NR2E1: variants seen among roughly 807,000 people sequenced by gnomAD.
The protein encoded by NR2E1 is nuclear receptor subfamily 2 group E member 1.
A neutral mutation model predicts 43.6 loss-of-function variants in NR2E1; 5 were observed. The observed-to-expected ratio is 0.11, with a 90% CI of 0.06 to 0.24. NR2E1 has a LOEUF of 0.24. Ranked by LOEUF, NR2E1 falls within the 10% of genes least tolerant of loss-of-function variation. The pLI, the probability that NR2E1 is intolerant of heterozygous loss-of-function variation, is 1.00. For missense variants in NR2E1, 287 were observed against 496.7 expected, an observed-to-expected ratio of 0.58 and a Z score of 4.01; for synonymous variants, 191 against 195.5, an observed-to-expected ratio of 0.98 and a Z score of 0.19.
intron 7 of NR2E1, 101 bp downstream of exon 7, chr6:108,181,057 A>T (rs1000726147): frequency 2.1e-5 from 27 of 1,280,044 alleles, no homozygotes; most frequent in African/African-American, 1.2e-4. Flanking sequence ...AAAAGAGGTG[A>T]TGGTTTTCAA....
chr6:108,180,943 C>T lies in NR2E1; in HGVS notation c.876C>T (p.Val292=). The change falls in exon 7 of 9, where the codon GTC becomes GTT. Residue 292 remains valine (V), a synonymous_variant. Transcript: ENST00000368986. The surrounding 1 kb of genome is among the most constrained non-coding windows in gnomAD (Gnocchi z 5.4). ...ATEFACLKCI[V]TFKAVPTHSG... is the part of the protein sequence containing the mutation. ...AATTTGCCTGTCTAAAATGCATCGT[C>T]ACTTTCAAAGCCGGTAAGCAGACAC... The T allele has an allele frequency of 1.2e-6, 2 of 1,614,168 alleles. No individual in the cohort carries two copies. The highest frequency in any genetic ancestry group is 1.7e-6 in the Non-Finnish European group (2 of 1,180,034).
At chr6:108,174,712 C>T in intron 2 of NR2E1, 124 bp from the exon 3 acceptor site, 2 of 758,344 alleles carry the variant, frequency 2.6e-6, no homozygotes, top group Admixed American at 2.1e-5. Flanking sequence ...GGCCCAGGCT[C>T]GGGGCTCCAG....
At chr6:108,182,670 T>A (rs1729487110) in intron 8 of NR2E1, among the ~76,000 whole-genome samples, 1 of 151,444 alleles carries the variant, frequency 6.6e-6, no homozygotes, top group South Asian at 2.1e-4. Context: ...GTGATTCTCC[T>A]GCCTCAGCCT....
rs149618228 is a variant in NR2E1 at position 108,168,010 on chromosome 6, C to T, written c.25+1220C>T. The T allele has an allele frequency of 2.8e-4, 443 of 1,579,280 alleles. 1 individual carries two copies. The African/African-American group carries it at 5.0e-3, about 18-fold the overall frequency. On this transcript the variant is annotated intron_variant, in intron 1 of 8. Coordinates refer to ENST00000368986, the MANE Select transcript of NR2E1 (RefSeq NM_003269.5). Reference sequence around the variant, plus strand: ...AAAATTAGAGCAAAATGAACGTGAACAAAAAGAAAAGGAGAAATGTTTCGA... The same window carrying T: ...AAAATTAGAGCAAAATGAACGTGAATAAAAAGAAAAGGAGAAATGTTTCGA...
At position 108,187,919 on chromosome 6, in the gene NR2E1, A is replaced by T. The variant is rs1774101181; in HGVS notation, c.*456A>T. On this transcript the variant is annotated 3_prime_UTR_variant, in exon 9 of 9. Transcript: ENST00000368986. ...TTATGTTGGAGCATTTATTTTAAAAATAATGGTAGGTTTTAAATTAAAAGT... is the reference window on the plus strand; with the variant it reads ...TTATGTTGGAGCATTTATTTTAAAATTAATGGTAGGTTTTAAATTAAAAGT... 5.4e-6 allele frequency: 1 copy of T among 186,546 alleles called. No individual in the cohort carries two copies. Among genetic ancestry groups the T allele is most frequent in the African/African-American group, 2.3e-5 (1 of 43,016 alleles). The allele number at this position is 186,546 out of a possible 1,614,324, so 11.6% of individuals were successfully genotyped here.
At position 108,169,688 on chromosome 6, in the gene NR2E1, G is replaced by C. The variant is rs958465565; in HGVS notation, c.26-1770G>C. Among the ~76,000 whole-genome samples the C allele has an allele frequency of 2.0e-5, 3 of 152,048 alleles. No homozygotes were observed. Among genetic ancestry groups the C allele is most frequent in the Non-Finnish European group, 4.4e-5 (3 of 68,004 alleles). On this transcript the variant is annotated intron_variant, in intron 1 of 8. Transcript: ENST00000368986. The surrounding 1 kb of genome is among the most constrained non-coding windows in gnomAD (Gnocchi z 6.1). ...GGAACTCCCTTGGGCGCAGTGACAG[G>C]CCCGAAGGAGTGGAGGACAAGACCC...
intron 4 of NR2E1, among the ~76,000 whole-genome samples, chr6:108,176,979 T>A (rs1424740064): frequency 6.6e-6 from 1 of 152,052 alleles, no homozygotes; most frequent in South Asian, 2.1e-4. Flanking sequence ...CCGGATCTTA[T>A]CCCCCCAGAA....
At chr6:108,170,174 C>T (rs1469518745) in intron 1 of NR2E1, among the ~76,000 whole-genome samples, 1 of 152,168 alleles carries the variant, frequency 6.6e-6, no homozygotes, top group Admixed American at 6.5e-5. Flanking sequence ...CCATCGTAGT[C>T]CCCAACCCAA....
chr6:108,170,560 G>T (rs1239807758), intron 1 of NR2E1, among the ~76,000 whole-genome samples: 6 of 151,538 alleles, frequency 4.0e-5, no homozygotes, highest in Non-Finnish European at 8.8e-5. Flanking sequence ...GGTCCATGGG[G>T]GGTGGGGGGA....
intron 3 of NR2E1, 107 bp from the exon 4 acceptor site, chr6:108,176,396 T>G: frequency 9.2e-7 from 1 of 1,091,526 alleles, no homozygotes. Flanking sequence ...CTTGGGCGAT[T>G]TTGCCCGCCC....
Position 108,172,431 on chromosome 6 carries a change from G to A in NR2E1, c.171+828G>A, listed in dbSNP as rs181814367. Among the ~76,000 whole-genome samples the A allele has an allele frequency of 5.9e-5, 9 of 152,338 alleles. No individual in the cohort carries two copies. In the East Asian group the frequency reaches 1.5e-3, roughly 26 times the overall value. On this transcript the variant is annotated intron_variant, in intron 2 of 8. Transcript: ENST00000368986. ...GAGGAATCTGGCATGGGCTGAATAT[G>A]AGCCAAAGCTTCTAGAAAGAGTGAG... is the stretch of plus-strand genomic sequence containing the variant.
intron 1 of NR2E1, among the ~76,000 whole-genome samples, chr6:108,170,108 A>C: frequency 6.8e-6 from 1 of 146,396 alleles, no homozygotes; most frequent in Non-Finnish European, 1.5e-5. Flanking sequence ...CCACGCCCTC[A>C]CCTCCCCTAC....
rs1446997211 is a variant in NR2E1, at chr6:108,176,711, C to T, written c.468C>T (p.Leu156=). Residue 156 remains leucine (L), a synonymous_variant, in exon 4 of 9, where the codon CTC becomes CTT. Coordinates refer to ENST00000368986, the MANE Select transcript of NR2E1 (RefSeq NM_003269.5). ...CCACCACTCCAGAGCGGCAGACCCTCGTGAGCCTGGCTCAGCCCACGCCCA... is the reference window on the plus strand; with the variant it reads ...CCACCACTCCAGAGCGGCAGACCCTTGTGAGCCTGGCTCAGCCCACGCCCA... ...AVSTTPERQT[L]VSLAQPTPKY... 1.3e-6 allele frequency: 2 copies of T among 1,584,394 alleles called. No individual in the cohort carries two copies. The highest frequency in any genetic ancestry group is 3.5e-5 in the Admixed American group (2 of 56,854).
intron 2 of NR2E1, 103 bp downstream of exon 2, chr6:108,171,706 C>A: frequency 6.9e-7 from 1 of 1,456,156 alleles, no homozygotes; most frequent in Non-Finnish European, 9.5e-7. Context: ...TGAGGAGAGA[C>A]CCGGCCCTGA....
At chr6:108,174,573 C>G (rs1433452631) in intron 2 of NR2E1, among the ~76,000 whole-genome samples, 3 of 152,102 alleles carry the variant, frequency 2.0e-5, no homozygotes, top group Non-Finnish European at 4.4e-5. Context: ...GCTTCACCTG[C>G]TTGGAGAAGG....
rs1343359687 is a variant in NR2E1 at position 108,178,121 on chromosome 6, A to G, written c.522A>G (p.Pro174=). The change falls in exon 5 of 9, where the codon CCA becomes CCG. Residue 174 remains proline (P), a synonymous_variant. Coordinates refer to ENST00000368986, the MANE Select transcript of NR2E1 (RefSeq NM_003269.5). The part of the protein sequence containing the change: ...PKYPHEVNGT[P]MYLYEVATES... ...ACCCCCATGAAGTGAATGGGACCCC[A>G]ATGTATCTCTATGAAGTGGCCACGG... 1 of 1,614,188 alleles carries G rather than the reference A, an allele frequency of 6.2e-7. No homozygotes were observed. The highest frequency in any genetic ancestry group is 8.5e-7 in the Non-Finnish European group (1 of 1,180,030).
At chr6:108,185,772 C>G (rs974542120) in intron 8 of NR2E1, among the ~76,000 whole-genome samples, 1 of 152,170 alleles carries the variant, frequency 6.6e-6, no homozygotes, top group Non-Finnish European at 1.5e-5. Context: ...ACTAACCAAC[C>G]CTTTCCCAAC....
Position 108,176,639 on chromosome 6 carries a change from C to T in NR2E1, c.396C>T (p.Thr132=). The T allele has an allele frequency of 6.2e-7, 1 of 1,609,578 alleles. No homozygotes were observed. Among genetic ancestry groups the T allele is most frequent in the Non-Finnish European group, 8.5e-7 (1 of 1,179,184 alleles). The change falls in exon 4 of 9, where the codon ACC becomes ACT. Residue 132 remains threonine (T), a synonymous_variant. Coordinates refer to ENST00000368986, the MANE Select transcript of NR2E1 (RefSeq NM_003269.5). Reference sequence around the variant, plus strand: ...CGCTCCCTGCGCCGGCCTTCTTCACCGCGGTCACGCAGCTGGAGCCGCACG... The same window carrying T: ...CGCTCCCTGCGCCGGCCTTCTTCACTGCGGTCACGCAGCTGGAGCCGCACG... ...SAALPAPAFF[T]AVTQLEPHGL...
intron 1 of NR2E1, among the ~76,000 whole-genome samples, chr6:108,168,382 G>T (rs1015860173): frequency 6.6e-6 from 1 of 152,198 alleles, no homozygotes; most frequent in Non-Finnish European, 1.5e-5. Context: ...GGGGTGTGGA[G>T]CCCCTGGGGC....
Sources: allele counts gnomAD v4.1 joint callset (sites outside exome capture counted in the v4.1 genomes callset), GRCh38; gene constraint gnomAD v4.1.1; non-coding constraint Gnocchi (gnomAD v3.1); transcripts MANE v1.5; gene names NCBI Gene and HGNC (gene_info 2026-07-23, HGNC 2026-07-21).